The following SUPT3H variants were observed in gnomAD, a reference collection of about 807,000 sequenced individuals.
SUPT3H encodes the protein SPT3 homolog, SAGA and STAGA complex component.
SUPT3H carries 44 observed loss-of-function variants against 44.3 expected under a neutral mutation model. That is an observed-to-expected ratio of 0.99 (90% CI 0.78 to 1.28). SUPT3H has a LOEUF of 1.28. SUPT3H is among the 50% of genes most tolerant of loss of function. SUPT3H has a pLI of 0.00. For missense variants in SUPT3H, 380 were observed against 387.1 expected, an observed-to-expected ratio of 0.98 and a Z score of 0.15; for synonymous variants, 124 against 125.6, an observed-to-expected ratio of 0.99 and a Z score of 0.09.
chr6:45,319,144 T>C (rs1042328803), intron 2 of SUPT3H, among the ~76,000 whole-genome samples: 1 of 152,158 alleles, frequency 6.6e-6, no homozygotes, highest in Non-Finnish European at 1.5e-5. Flanking sequence ...GGTTTGTATA[T>C]GTGTGTGTTT....
chr6:45,088,398 C>CA (rs1583471290), intron 3 of SUPT3H, among the ~76,000 whole-genome samples: 1 of 151,932 alleles, frequency 6.6e-6, no homozygotes, highest in Admixed American at 6.6e-5. Flanking sequence ...CTCCAAATGT[C>CA]AAAAAATTTT....
intron 2 of SUPT3H, among the ~76,000 whole-genome samples, chr6:45,193,217 C>A (rs947663906): frequency 5.3e-5 from 8 of 152,132 alleles, no homozygotes; most frequent in African/African-American, 1.4e-4. Context: ...ACCAAAAAAA[C>A]CCCACTTATA....
chr6:45,061,600 T>C (rs1006954850), intron 3 of SUPT3H, among the ~76,000 whole-genome samples: 2 of 152,120 alleles, frequency 1.3e-5, no homozygotes, highest in African/African-American at 4.8e-5. Flanking sequence ...GAACTTAAAA[T>C]AAAAGTTGAA....
At chr6:45,094,114 TTGCATCTCTC>T (rs1797488073) in intron 3 of SUPT3H, among the ~76,000 whole-genome samples, 1 of 152,074 alleles carries the variant, frequency 6.6e-6, no homozygotes. Context: ...TATAAAAAGT[TTGCATCTCTC>T]TGGTAAATCT....
At chr6:44,955,964 C>CA (rs1021702359) in intron 7 of SUPT3H, among the ~76,000 whole-genome samples, 6 of 150,266 alleles carry the variant, frequency 4.0e-5, no homozygotes, top group Non-Finnish European at 7.4e-5. Flanking sequence ...ACTAAAAATA[C>CA]AAAAAAAATT....
chr6:44,921,319 G>C (rs1201498919), intron 10 of SUPT3H, among the ~76,000 whole-genome samples: 1 of 152,188 alleles, frequency 6.6e-6, no homozygotes, highest in African/African-American at 2.4e-5. Context: ...ATTCTATCAG[G>C]AAGGCATGTA....
intron 2 of SUPT3H, among the ~76,000 whole-genome samples, chr6:45,249,782 C>G (rs369478222): frequency 2.0e-5 from 3 of 151,798 alleles, no homozygotes; most frequent in African/African-American, 7.3e-5. Context: ...CAGAGAAACG[C>G]TGTGTTTGTG....
At chr6:44,902,664 T>C (rs1436417632) in intron 10 of SUPT3H, among the ~76,000 whole-genome samples, 2 of 152,060 alleles carry the variant, frequency 1.3e-5, no homozygotes, top group Non-Finnish European at 2.9e-5. Context: ...TGAACTCAGC[T>C]CTGCACCAAG....
intron 3 of SUPT3H, among the ~76,000 whole-genome samples, chr6:45,057,264 C>A (rs2153539817): frequency 6.6e-6 from 1 of 152,114 alleles, no homozygotes; most frequent in Non-Finnish European, 1.5e-5. Context: ...AGAGAGAAAT[C>A]AGATAATGGT....
intron 2 of SUPT3H, among the ~76,000 whole-genome samples, chr6:45,244,849 A>G (rs1771054879): frequency 6.6e-6 from 1 of 152,164 alleles, no homozygotes; most frequent in Non-Finnish European, 1.5e-5. Flanking sequence ...ATTTCTTGAG[A>G]ATAAAGTTTT....
At chr6:44,900,140 C>T (rs1190703711) in intron 10 of SUPT3H, among the ~76,000 whole-genome samples, 4 of 152,288 alleles carry the variant, frequency 2.6e-5, no homozygotes, top group Non-Finnish European at 4.4e-5. Flanking sequence ...CTGAGGTACC[C>T]GGTTCATCTC....
chr6:45,093,018 T>A (rs1009541482), intron 3 of SUPT3H, among the ~76,000 whole-genome samples: 1 of 151,950 alleles, frequency 6.6e-6, no homozygotes, highest in African/African-American at 2.4e-5. Flanking sequence ...ATAAAACATC[T>A]AACACAATGT....
chr6:44,825,014 T>TAAAC (rs1767636558), downstream of SUPT3H, among the ~76,000 whole-genome samples: 1 of 152,210 alleles, frequency 6.6e-6, no homozygotes, highest in Non-Finnish European at 1.5e-5. Flanking sequence ...TGCAAACACG[T>TAAAC]AAACAAGATG....
In SUPT3H at chr6:45,264,265, CAGA is replaced by C. The variant is rs570888411; in HGVS notation, c.101+100933_101+100935del. Among the ~76,000 whole-genome samples, 294 of 152,206 alleles carry C rather than the reference CAGA, an allele frequency of 1.9e-3. 1 individual carries two copies. The highest frequency in any genetic ancestry group is 6.5e-3 in the African/African-American group (272 of 41,550). Reference sequence around the variant, plus strand: ...TTTAGAAACACCCAGAATAAGATTTCAGAAGAAGTATTTTTATATACATTTTTA... The same window carrying C: ...TTTAGAAACACCCAGAATAAGATTTCAGAAGTATTTTTATATACATTTTTA... On this transcript the variant is annotated intron_variant, in intron 2 of 10. Transcript: ENST00000371459.
At chr6:45,098,341 A>G (rs1395158229) in intron 3 of SUPT3H, 4 of 154,938 alleles carry the variant, frequency 2.6e-5, no homozygotes, top group African/African-American at 9.7e-5. Context: ...GTGACCTGCC[A>G]AAGTCTGATG....
intron 3 of SUPT3H, among the ~76,000 whole-genome samples, chr6:45,088,050 A>C (rs1406928010): frequency 1.3e-5 from 2 of 152,186 alleles, no homozygotes; most frequent in East Asian, 3.9e-4. Flanking sequence ...AGAAGGCATA[A>C]AATTAATGGA....
At chr6:44,964,861 G>GT (rs752421539) in intron 6 of SUPT3H, among the ~76,000 whole-genome samples, 10 of 152,264 alleles carry the variant, frequency 6.6e-5, no homozygotes, top group Non-Finnish European at 1.5e-4. Flanking sequence ...GCAGCTTAAA[G>GT]TTTATCTTGT....
chr6:45,022,187 T>C (rs1171576554), intron 3 of SUPT3H, among the ~76,000 whole-genome samples: 1 of 152,026 alleles, frequency 6.6e-6, no homozygotes, highest in Non-Finnish European at 1.5e-5. Flanking sequence ...TCATTTGAAA[T>C]CTGAAAAACA....
chr6:45,172,072 C>CTT (rs113003297), intron 2 of SUPT3H, among the ~76,000 whole-genome samples: 1 of 135,698 alleles, frequency 7.4e-6, no homozygotes. Context: ...ATTTATTTAT[C>CTT]TTTTTTTTTT....
Sources: gnomAD v4.1 joint callset for allele counts (sites outside exome capture counted in the v4.1 genomes callset) on GRCh38, gnomAD v4.1.1 for gene constraint, MANE v1.5 for transcripts, NCBI Gene and HGNC (gene_info 2026-07-23, HGNC 2026-07-21) for gene names.